Variants in LUZP2 observed in about 807,000 individuals in gnomAD.
The protein encoded by LUZP2 is leucine zipper protein 2.
A neutral mutation model predicts 51.6 loss-of-function variants in LUZP2; 52 were observed. The observed-to-expected ratio is 1.01, with a 90% CI of 0.81 to 1.27. The LOEUF is 1.27. LUZP2 is among the 50% of genes most tolerant of loss of function. LUZP2 has a pLI of 0.00. For missense variants in LUZP2, 436 were observed against 395.4 expected, an observed-to-expected ratio of 1.10 and a Z score of -0.87; for synonymous variants, 154 against 137.3, an observed-to-expected ratio of 1.12 and a Z score of -0.85.
Position 24,922,768 on chromosome 11 carries a change from C to T in LUZP2, c.522+8230C>T, listed in dbSNP as rs1420008776. ...TCTTATGGATTAGAAAACCAAGACC[C>T]AGAGAAGTTATAAGAGTTTTCTGAA... On this transcript the variant is annotated intron_variant, in intron 7 of 11. Coordinates refer to ENST00000336930, the MANE Select transcript of LUZP2 (RefSeq NM_001009909.4). Among the ~76,000 whole-genome samples the T allele has an allele frequency of 4.8e-5, 7 of 144,846 alleles. No homozygotes were observed. In the East Asian group the frequency reaches 1.4e-3, roughly 29 times the overall value.
At chr11:24,740,744 T>C (rs1467789478) in intron 4 of LUZP2, among the ~76,000 whole-genome samples, 1 of 152,132 alleles carries the variant, frequency 6.6e-6, no homozygotes, top group African/African-American at 2.4e-5. Flanking sequence ...TCCCCTTCCT[T>C]CTGCACTTCC....
chr11:25,000,256 A>C (rs1328001696), intron 9 of LUZP2, among the ~76,000 whole-genome samples: 4 of 152,108 alleles, frequency 2.6e-5, no homozygotes, highest in Non-Finnish European at 4.4e-5. Flanking sequence ...TCCCCACCTG[A>C]CCCAGAAGCC....
At chr11:24,921,188 G>A (rs559761097) in intron 7 of LUZP2, among the ~76,000 whole-genome samples, 1 of 152,012 alleles carries the variant, frequency 6.6e-6, no homozygotes, top group Non-Finnish European at 1.5e-5. Flanking sequence ...GAAGAAAACA[G>A]CTCCCCCATA....
At chr11:24,932,504 T>G (rs941488339) in intron 7 of LUZP2, among the ~76,000 whole-genome samples, 2 of 152,042 alleles carry the variant, frequency 1.3e-5, no homozygotes, top group African/African-American at 4.8e-5. Flanking sequence ...GGGGTGTGGT[T>G]CTCAGGCCAA....
chr11:24,910,678 G>T lies in LUZP2; in HGVS notation c.460-3798G>T, dbSNP rs1590718686. On this transcript the variant is annotated intron_variant, in intron 6 of 11. Coordinates refer to ENST00000336930, the MANE Select transcript of LUZP2 (RefSeq NM_001009909.4). Reference sequence around the variant, plus strand: ...TTCAGAGGAGGTATGGAAATGCCTGGATGTCCAGGCAGAAATGTCCTGCAG... The same window carrying T: ...TTCAGAGGAGGTATGGAAATGCCTGTATGTCCAGGCAGAAATGTCCTGCAG... 2.6e-5 allele frequency among the ~76,000 whole-genome samples: 4 copies of T among 152,198 alleles called. No individual in the cohort carries two copies. In the South Asian group the frequency reaches 8.3e-4, roughly 32 times the overall value.
At chr11:24,873,029 CTTG>C (rs1169841699) in intron 5 of LUZP2, among the ~76,000 whole-genome samples, 3 of 152,132 alleles carry the variant, frequency 2.0e-5, no homozygotes, top group African/African-American at 7.2e-5. Flanking sequence ...AAAATTTTCT[CTTG>C]TTCTTGTCTA....
chr11:24,511,298 T>C, intron 1 of LUZP2, among the ~76,000 whole-genome samples: 1 of 152,210 alleles, frequency 6.6e-6, no homozygotes, highest in East Asian at 1.9e-4. Flanking sequence ...GCAGGTTTCC[T>C]TCAAAGTCCT....
intron 3 of LUZP2, among the ~76,000 whole-genome samples, chr11:24,737,501 T>TAAAAAAAA (rs74313884): frequency 2.5e-4 from 38 of 150,350 alleles, no homozygotes; most frequent in Middle Eastern, 3.4e-3. Context: ...ATAGCTCGAG[T>TAAAAAAAA]AAAAAAAAAT....
At position 24,761,150 on chromosome 11, in the gene LUZP2, A is replaced by G. The variant is rs1392461878; in HGVS notation, c.334-2096A>G. 2.0e-5 allele frequency among the ~76,000 whole-genome samples: 3 copies of G among 152,150 alleles called. No homozygotes were observed. The East Asian group carries it at 5.8e-4, about 29-fold the overall frequency. On this transcript the variant is annotated intron_variant, in intron 4 of 11. Coordinates refer to ENST00000336930, the MANE Select transcript of LUZP2 (RefSeq NM_001009909.4). ...CTGAGACTGGGTAATTTATAAAGAA[A>G]AAAGGTTTAATTGGCTCAGGTTCCA... is the stretch of plus-strand genomic sequence containing the variant.
At chr11:24,652,063 C>G (rs1399334707) in intron 1 of LUZP2, among the ~76,000 whole-genome samples, 1 of 151,134 alleles carries the variant, frequency 6.6e-6, no homozygotes, top group African/African-American at 2.4e-5. Flanking sequence ...TATGTGTGTA[C>G]ACATGTTGTA....
At chr11:24,899,348 CA>C (rs1853198011) in intron 5 of LUZP2, among the ~76,000 whole-genome samples, 1 of 151,418 alleles carries the variant, frequency 6.6e-6, no homozygotes, top group Non-Finnish European at 1.5e-5. Flanking sequence ...CCACTTCCTA[CA>C]TTTGAAGTGG....
At chr11:24,621,672 A>C (rs1854500144) in intron 1 of LUZP2, among the ~76,000 whole-genome samples, 1 of 152,044 alleles carries the variant, frequency 6.6e-6, no homozygotes, top group Non-Finnish European at 1.5e-5. Flanking sequence ...ATTTTTCCTT[A>C]AGGTTTTGCT....
intron 1 of LUZP2, among the ~76,000 whole-genome samples, chr11:24,675,911 C>T (rs12364048): frequency 0.26 from 39,743 of 151,570 alleles, 6,002 homozygotes; most frequent in Middle Eastern, 0.36. Context: ...CTCCCCCTCC[C>T]GGGTTGAAGT....
rs71044324 is a variant in LUZP2, at chr11:24,907,299, C to CAA, written c.459+1261_459+1262dup. 8.4e-3 allele frequency among the ~76,000 whole-genome samples: 875 copies of CAA among 103,744 alleles called. 7 individuals are homozygous for CAA. Among genetic ancestry groups the CAA allele is most frequent in the South Asian group, 0.026 (88 of 3,404 alleles). The allele number at this position is 103,744 out of a possible 152,430, so 68.1% of individuals were successfully genotyped here. A position where few individuals can be genotyped will look rare whatever the true frequency, so the allele number is the denominator to read the frequency against. On this transcript the variant is annotated intron_variant, in intron 6 of 11. Coordinates refer to ENST00000336930, the MANE Select transcript of LUZP2 (RefSeq NM_001009909.4). ...CAAGAAAAAATCATTAACACAAATA[C>CAA]AAAAAAAAAAAAAAAACATTAACAC...
At chr11:24,880,426 T>A (rs1349454188) in intron 5 of LUZP2, among the ~76,000 whole-genome samples, 1 of 152,154 alleles carries the variant, frequency 6.6e-6, no homozygotes, top group African/African-American at 2.4e-5. Flanking sequence ...GCTCACTTGA[T>A]TTTTGGTAAG....
chr11:24,553,863 T>G (rs1851789986), intron 1 of LUZP2, among the ~76,000 whole-genome samples: 1 of 152,184 alleles, frequency 6.6e-6, no homozygotes, highest in Non-Finnish European at 1.5e-5. Flanking sequence ...TCACTATTTG[T>G]GAGAAAAGAT....
chr11:24,742,057 TTA>T lies in LUZP2; in HGVS notation c.333+3773_333+3774del, dbSNP rs1554983398. Reference sequence around the variant, plus strand: ...TATAAATACATAAAAATAAATATAATTATATATATATATATATATCACCATTT... The same window carrying T: ...TATAAATACATAAAAATAAATATAATTATATATATATATATATCACCATTT... On this transcript the variant is annotated intron_variant, in intron 4 of 11. Coordinates refer to ENST00000336930, the MANE Select transcript of LUZP2 (RefSeq NM_001009909.4). 6.3e-3 allele frequency among the ~76,000 whole-genome samples: 736 copies of T among 116,280 alleles called. 30 individuals carry two copies. The highest frequency in any genetic ancestry group is 0.026 in the African/African-American group (611 of 23,836). The allele number at this position is 116,280 out of a possible 152,430, so 76.3% of individuals were successfully genotyped here.
intron 7 of LUZP2, among the ~76,000 whole-genome samples, chr11:24,951,342 A>G (rs1017357691): frequency 6.6e-6 from 1 of 151,574 alleles, no homozygotes; most frequent in Non-Finnish European, 1.5e-5. Context: ...TTGGCATATG[A>G]TAAGTATTAT....
intron 10 of LUZP2, among the ~76,000 whole-genome samples, chr11:25,065,186 A>G (rs1359784683): frequency 1.3e-5 from 2 of 152,024 alleles, no homozygotes; most frequent in Non-Finnish European, 2.9e-5. Context: ...GATTTTGGTC[A>G]TGCATTGTCT....
Sources: gnomAD v4.1 joint callset for allele counts (sites outside exome capture counted in the v4.1 genomes callset) on GRCh38, gnomAD v4.1.1 for gene constraint, MANE v1.5 for transcripts, NCBI Gene and HGNC (gene_info 2026-07-23, HGNC 2026-07-21) for gene names.